The following NF1 variants were observed in gnomAD, a reference collection of about 807,000 sequenced individuals.
NF1 encodes neurofibromin 1.
A neutral mutation model predicts 325.7 loss-of-function variants in NF1; 122 were observed. That is an observed-to-expected ratio of 0.37 (90% CI 0.32 to 0.44). The LOEUF (loss-of-function observed/expected upper bound fraction) is 0.44, where lower values mean the gene tolerates loss of function less well. NF1 is among the 20% of genes least tolerant of loss of function. The probability of loss-of-function intolerance (pLI) is 1.00; values close to 1 mark genes in which losing one functional copy is unlikely to be tolerated. For synonymous variants in NF1, 1,091 were observed against 1,186.0 expected (o/e 0.92, Z 1.65); for missense variants, 2,140 against 3,415.4 (o/e 0.63, Z 9.31).
chr17:31,182,707 G>C (rs1220888365), intron 8 of NF1, 42 bp downstream of exon 8: 1 of 1,577,862 alleles, frequency 6.3e-7, no homozygotes, highest in Non-Finnish European at 8.7e-7. Context: ...TAGATGTGAA[G>C]CAGTTTATTT....
At chr17:31,115,096 G>A (rs2143328702) in intron 1 of NF1, among the ~76,000 whole-genome samples, 1 of 152,290 alleles carries the variant, frequency 6.6e-6, no homozygotes, top group South Asian at 2.1e-4. Context: ...TTTGACTGTT[G>A]ATGTAGTGCG....
chr17:31,261,590 T>G (rs2067686716), intron 34 of NF1, 121 bp from the exon 35 acceptor site: 1 of 1,014,452 alleles, frequency 9.9e-7, no homozygotes, highest in Non-Finnish European at 1.6e-6. Flanking sequence ...CTGAGGTCTT[T>G]TTGGTGCTGT....
intron 35 of NF1, among the ~76,000 whole-genome samples, chr17:31,263,107 G>A (rs28470317): frequency 0.25 from 14,769 of 59,830 alleles, 854 homozygotes; most frequent in Middle Eastern, 0.33. Flanking sequence ...AGGTAGGTAG[G>A]TAGATAGATA....
At position 31,156,089 on chromosome 17, in the gene NF1, G is replaced by A. The variant is rs2143626982; in HGVS notation, c.167G>A (p.Ser56Asn). 6.2e-7 allele frequency: 1 copy of A among 1,613,578 alleles called. No individual in the cohort carries two copies. The highest frequency in any genetic ancestry group is 1.1e-5 in the South Asian group (1 of 91,060). Residue 56 changes from serine (S) to asparagine (N), a missense_variant, in exon 2 of 58, where the codon AGC (serine) becomes AAC (asparagine). Transcript: ENST00000358273. ...AAATACAAGTTTTCTTTGGTTATAA[G>A]CGGCCTCACTACTATTTTAAAGAAT... ...ISKYKFSLVI[S>N]GLTTILKNVN... is the part of the protein sequence containing the mutation.
At chr17:31,121,999 A>G (rs1914481013) in intron 1 of NF1, among the ~76,000 whole-genome samples, 1 of 152,178 alleles carries the variant, frequency 6.6e-6, no homozygotes, top group Non-Finnish European at 1.5e-5. Flanking sequence ...ATAGGCAATT[A>G]AGTGTTGAAT....
intron 4 of NF1, among the ~76,000 whole-genome samples, chr17:31,165,026 C>T (rs1008572980): frequency 8.6e-5 from 13 of 151,938 alleles, no homozygotes; most frequent in Non-Finnish European, 1.3e-4. Flanking sequence ...ACTGCTAGGC[C>T]GGCCTTACTA....
chr17:31,096,245 C>T (rs537597607), intron 1 of NF1, among the ~76,000 whole-genome samples: 1 of 151,314 alleles, frequency 6.6e-6, no homozygotes, highest in African/African-American at 2.4e-5. Context: ...TGCTTCAGAG[C>T]CACCGACAAC....
chr17:31,268,752 G>A (rs1485070640), intron 36 of NF1, among the ~76,000 whole-genome samples: 1 of 151,956 alleles, frequency 6.6e-6, no homozygotes, highest in African/African-American at 2.4e-5. Flanking sequence ...AGGCTGGAGT[G>A]CAGTGGCACT....
chr17:31,377,213 T>C lies in NF1; in HGVS notation c.*3058T>C, dbSNP rs1324424352. 1 of 233,426 alleles carries C rather than the reference T, an allele frequency of 4.3e-6. No individual in the cohort carries two copies. Among genetic ancestry groups the C allele is most frequent in the East Asian group, 6.0e-5 (1 of 16,570 alleles). The allele number at this position is 233,426 out of a possible 1,614,324, so 14.5% of individuals were successfully genotyped here. ...GCAGTATATTCACCTGTAAATAGTT[T>C]GTGTAAAATTTGACAAAAAAAGTAT... is the stretch of plus-strand genomic sequence containing the variant. On this transcript the variant is annotated 3_prime_UTR_variant, in exon 58 of 58. Coordinates refer to ENST00000358273, the MANE Select transcript of NF1 (RefSeq NM_001042492.3).
intron 35 of NF1, among the ~76,000 whole-genome samples, chr17:31,263,103 G>GTAGA (rs2067718997): frequency 1.7e-5 from 1 of 59,424 alleles, no homozygotes; most frequent in Non-Finnish European, 5.0e-5. Flanking sequence ...AGGTAGGTAG[G>GTAGA]TAGGTAGATA....
At chr17:31,295,716 T>C (rs1457455337) in intron 36 of NF1, 1 of 1,614,046 alleles carries the variant, frequency 6.2e-7, no homozygotes, top group African/African-American at 1.3e-5. Context: ...TGGTCTGGAA[T>C]GAATGTGAAC....
chr17:31,237,492 G>T (rs1178756047), intron 29 of NF1, among the ~76,000 whole-genome samples: 1 of 152,012 alleles, frequency 6.6e-6, no homozygotes, highest in Non-Finnish European at 1.5e-5. Flanking sequence ...GCCCAGGCTG[G>T]TCTCAAACTC....
In NF1 at chr17:31,332,574, G is replaced by GT. The variant is rs1289677065; in HGVS notation, c.5812+2092dup. 3.1e-4 allele frequency among the ~76,000 whole-genome samples: 27 copies of GT among 86,754 alleles called. 4 individuals carry two copies. Among genetic ancestry groups the GT allele is most frequent in the South Asian group, 1.2e-3 (3 of 2,484 alleles). 56.9% of individuals were successfully genotyped at this position (86,754 alleles called of 152,430 possible). A position where few individuals can be genotyped will look rare whatever the true frequency, so the allele number is the denominator to read the frequency against. ...GATTAACAGTAACATACAGATCATG[G>GT]TTTTTTTTTTTTTTTTATTATACTC... On this transcript the variant is annotated intron_variant, in intron 39 of 57. Coordinates refer to ENST00000358273, the MANE Select transcript of NF1 (RefSeq NM_001042492.3).
At chr17:31,201,911 T>C (rs1480072918) in intron 11 of NF1, among the ~76,000 whole-genome samples, 1 of 152,206 alleles carries the variant, frequency 6.6e-6, no homozygotes, top group Non-Finnish European at 1.5e-5. Flanking sequence ...GTATAGCACA[T>C]TGACAAAATG....
chr17:31,326,381 C>A, intron 37 of NF1, 129 bp downstream of exon 37: 1 of 906,528 alleles, frequency 1.1e-6, no homozygotes, highest in Non-Finnish European at 1.7e-6. Flanking sequence ...GTCGCGGTGG[C>A]TCACGCCTGT....
rs2067489019 is a variant in NF1, at chr17:31,251,258, G to GTAT, written c.4111-1680_4111-1679insTAT. The GTAT allele has an allele frequency of 3.4e-5, 7 of 207,974 alleles. No individual in the cohort carries two copies. In the South Asian group the frequency reaches 1.3e-3, roughly 39 times the overall value. The allele number at this position is 207,974 out of a possible 1,614,324, so 12.9% of individuals were successfully genotyped here. ...CCTGCTCTTCTGTGTTCTGCCTGGA[G>GTAT]GGATAGTAGTCCCTTTGGGACCTAC... On this transcript the variant is annotated intron_variant, in intron 30 of 57. Transcript: ENST00000358273.
chr17:31,306,805 A>C (rs990112261), intron 36 of NF1, among the ~76,000 whole-genome samples: 1 of 151,892 alleles, frequency 6.6e-6, no homozygotes, highest in Non-Finnish European at 1.5e-5. Flanking sequence ...ATTAAAAAAA[A>C]AAAAAAAAGA....
chr17:31,370,793 C>T (rs1036166406), intron 57 of NF1, among the ~76,000 whole-genome samples: 1 of 152,178 alleles, frequency 6.6e-6, no homozygotes, highest in African/African-American at 2.4e-5. Flanking sequence ...CAGGGCCTTC[C>T]TAGTGGTCAT....
intron 1 of NF1, among the ~76,000 whole-genome samples, chr17:31,135,183 C>T (rs979824769): frequency 1.3e-5 from 2 of 152,140 alleles, no homozygotes; most frequent in Admixed American, 1.3e-4. Flanking sequence ...AAATCTTTCA[C>T]TGAATTAGTA....
Sources: allele counts gnomAD v4.1 joint callset (sites outside exome capture counted in the v4.1 genomes callset), GRCh38; gene constraint gnomAD v4.1.1; transcripts MANE v1.5; gene names NCBI Gene and HGNC (gene_info 2026-07-23, HGNC 2026-07-21).